The following ATP1A3 variants were observed in gnomAD, a reference collection of about 807,000 sequenced individuals.
ATP1A3 encodes ATPase Na+/K+ transporting subunit alpha 3.
A neutral mutation model predicts 108.8 loss-of-function variants in ATP1A3; 12 were observed. The ratio of observed to expected loss-of-function variants is 0.11; its 90% CI spans 0.07 to 0.18. The LOEUF (loss-of-function observed/expected upper bound fraction) is 0.18. Ranked by LOEUF, ATP1A3 falls within the 10% of genes least tolerant of loss-of-function variation. The pLI is 1.00. For missense variants in ATP1A3, 498 were observed against 1,387.7 expected (o/e 0.36, Z 10.19); for synonymous variants, 539 against 564.5 (o/e 0.95, Z 0.64).
chr19:41,969,424 G>T lies in ATP1A3; in HGVS notation c.2688+11C>A, dbSNP rs782430886. The T allele has an allele frequency of 1.5e-5, 25 of 1,614,040 alleles. No individual in the cohort carries two copies. Among genetic ancestry groups the T allele is most frequent in the Non-Finnish European group, 1.9e-5 (23 of 1,180,022 alleles). On this transcript the variant is annotated intron_variant, in intron 19 of 22. Transcript: ENST00000648268. ...ACGGTGGGCAGAGACACAGCACCCT[G>T]CCCTACTCACCCACTGCTGCCCGTA... is the stretch of plus-strand genomic sequence containing the variant.
rs1568853525 is a variant in ATP1A3, at chr19:41,969,494, G to A, written c.2629C>T (p.Arg877Trp). 1.2e-6 allele frequency: 2 copies of A among 1,614,152 alleles called. No homozygotes were observed. Among genetic ancestry groups the A allele is most frequent in the East Asian group, 2.2e-5 (1 of 44,882 alleles). Residue 877 changes from arginine to tryptophan, a missense_variant, in exon 19 of 23, where the codon CGG (arginine) becomes TGG (tryptophan). Arg to Trp is a moderately radical substitution (Grantham distance 101). Coordinates refer to ENST00000648268, the MANE Select transcript of ATP1A3 (RefSeq NM_152296.5). ...GFLPGNLVGIRLNWDDRTVND... is the reference protein window; with the variant it reads ...GFLPGNLVGIWLNWDDRTVND... ...ACGGTGCGGTCATCCCAGTTCAGCC[G>A]GATGCCCACCAGGTTGCCGGGCAAG... is the stretch of plus-strand genomic sequence containing the variant.
At chr19:41,970,352 C>CT in intron 17 of ATP1A3, 36 bp downstream of exon 17, 1 of 1,614,166 alleles carries the variant, frequency 6.2e-7, no homozygotes, top group Non-Finnish European at 8.5e-7. Flanking sequence ...GAGGACTCCA[C>CT]CCTCCTGGGC....
chr19:41,982,925 G>T (rs1313481271), intron 8 of ATP1A3, among the ~76,000 whole-genome samples: 3 of 152,184 alleles, frequency 2.0e-5, no homozygotes, highest in Non-Finnish European at 2.9e-5. Flanking sequence ...TCTTGAGGGG[G>T]CTTCAGGGAG....
chr19:41,970,369 G>A lies in ATP1A3; in HGVS notation c.2418+19C>T. ...GGACTCCACCCTCCTGGGCCCCAAG[G>A]GTGGCTGCCAGGGCTCACCATGTCA... is the stretch of plus-strand genomic sequence containing the variant. On this transcript the variant is annotated intron_variant, in intron 17 of 22. Transcript: ENST00000648268. 1 of 1,614,232 alleles carries A rather than the reference G, an allele frequency of 6.2e-7. No homozygotes were observed. Among genetic ancestry groups the A allele is most frequent in the Non-Finnish European group, 8.5e-7 (1 of 1,180,046 alleles).
intron 8 of ATP1A3, 122 bp downstream of exon 8, chr19:41,984,796 T>G (rs1599722265): frequency 2.6e-6 from 3 of 1,133,932 alleles, no homozygotes; most frequent in Non-Finnish European, 3.6e-6. Flanking sequence ...GACACACGGG[T>G]CCAGGCCTCT....
rs2145995574 is a variant in ATP1A3, at chr19:41,994,177, T to A, written c.-101A>T. ...TGGGAGCCTCTGCAGCGCCCGCGCC[T>A]CGGTAGGTGCGCGCGTCCGTCCGTC... On this transcript the variant is annotated 5_prime_UTR_variant, in exon 1 of 23. Transcript: ENST00000648268. 6 of 1,183,346 alleles carry A rather than the reference T, an allele frequency of 5.1e-6. No homozygotes were observed. The highest frequency in any genetic ancestry group is 6.8e-6 in the Non-Finnish European group (6 of 883,926). The allele number at this position is 1,183,346 out of a possible 1,614,324, so 73.3% of individuals were successfully genotyped here.
chr19:41,970,189 C>G lies in ATP1A3; in HGVS notation c.2538G>C (p.Gln846His). The G allele has an allele frequency of 6.2e-7, 1 of 1,614,246 alleles. No individual in the cohort carries two copies. The highest frequency in any genetic ancestry group is 8.5e-7 in the Non-Finnish European group (1 of 1,180,032). The change falls in exon 18 of 23, where the codon CAG becomes CAC. Residue 846 changes from glutamine to histidine, a missense_variant. Gln to His is a conservative substitution (Grantham distance 24). Around this residue, in one of 9 missense-constraint regions of ATP1A3, gnomAD observed 121 missense variants for 425.1 expected, o/e 0.28. Transcript: ENST00000648268. Reference protein sequence around the residue: ...NERLISMAYGQIGMIQALGGF... With the variant: ...NERLISMAYGHIGMIQALGGF... ...ATGGAGTCCCCGGTGCCTCACCAATCTGCCCGTAGGCCATGCTGATGAGTC... is the reference window on the plus strand; with the variant it reads ...ATGGAGTCCCCGGTGCCTCACCAATGTGCCCGTAGGCCATGCTGATGAGTC...
chr19:41,970,911 C>G (rs192502198), intron 16 of ATP1A3, among the ~76,000 whole-genome samples: 1 of 151,930 alleles, frequency 6.6e-6, no homozygotes, highest in Non-Finnish European at 1.5e-5. Context: ...GGATTACAGG[C>G]GTGAGCCACC....
At chr19:41,989,051 C>T (rs937800044) in intron 1 of ATP1A3, among the ~76,000 whole-genome samples, 2 of 151,960 alleles carry the variant, frequency 1.3e-5, no homozygotes, top group South Asian at 2.1e-4. Context: ...GTGATCCTCC[C>T]GCCTCCGCCT....
At chr19:41,979,847 G>A (rs538330952) in intron 11 of ATP1A3, among the ~76,000 whole-genome samples, 2 of 152,346 alleles carry the variant, frequency 1.3e-5, no homozygotes, top group South Asian at 2.1e-4. Flanking sequence ...GCTATGGTAT[G>A]TTAATTATAT....
Position 41,986,163 on chromosome 19 carries a change from C to A in ATP1A3, c.424G>T (p.Ala142Ser), listed in dbSNP as rs878853219. The A allele has an allele frequency of 6.2e-7, 1 of 1,614,146 alleles. No individual in the cohort carries two copies. Among genetic ancestry groups the A allele is most frequent in the Non-Finnish European group, 8.5e-7 (1 of 1,180,014 alleles). ...GACTCCATGATCTTGGAGCTCTTGG[C>A]CTCCTGGTAGTAGGAGAAGCAGCCA... ...ITGCFSYYQE[A>S]KSSKIMESFK... The change falls in exon 5 of 23, where the codon GCC becomes TCC. Residue 142 changes from alanine to serine, a missense_variant. Transcript: ENST00000648268.
chr19:41,975,534 C>T (rs1388519070), intron 16 of ATP1A3, 95 bp downstream of exon 16: 5 of 1,546,220 alleles, frequency 3.2e-6, no homozygotes, highest in Non-Finnish European at 4.4e-6. Flanking sequence ...GTGGTCTCTG[C>T]CACACATCCC....
chr19:41,992,459 C>T (rs557655804), intron 1 of ATP1A3, among the ~76,000 whole-genome samples: 2 of 152,212 alleles, frequency 1.3e-5, no homozygotes, highest in South Asian at 2.1e-4. Flanking sequence ...TGCCAGCTCC[C>T]GCAGCCTCTG....
intron 16 of ATP1A3, among the ~76,000 whole-genome samples, chr19:41,974,358 G>A (rs969171373): frequency 6.6e-5 from 10 of 152,142 alleles, no homozygotes; most frequent in African/African-American, 1.9e-4. Context: ...CAGGAGGATC[G>A]ATTAAGTCCC....
chr19:41,987,161 G>C (rs778138093), intron 4 of ATP1A3, among the ~76,000 whole-genome samples: 2 of 152,164 alleles, frequency 1.3e-5, no homozygotes, highest in Admixed American at 6.5e-5. Flanking sequence ...CTACAAGGCA[G>C]CTTCTTTGGT....
Position 41,993,315 on chromosome 19 carries a change from A to T in ATP1A3, c.6+756T>A, listed in dbSNP as rs2075357585. On this transcript the variant is annotated intron_variant, in intron 1 of 22. Coordinates refer to ENST00000648268, the MANE Select transcript of ATP1A3 (RefSeq NM_152296.5). ...ACAAGGACACACGGACACAGAGGCA[A>T]GGACACAGCCAGGCATGCACGCTCC... The T allele has an allele frequency of 3.5e-6, 5 of 1,410,998 alleles. No individual in the cohort carries two copies. In the East Asian group the frequency reaches 1.2e-4, roughly 35 times the overall value. 87.4% of individuals were successfully genotyped at this position (1,410,998 alleles called of 1,614,324 possible).
In ATP1A3 at chr19:41,970,928, G is replaced by A. The variant is rs187456343; in HGVS notation, c.2264-386C>T. ...ATTACAGGCGTGAGCCACCGCGCCC[G>A]GCCTGTCCAGCGTCCTTTTCTACCC... is the stretch of plus-strand genomic sequence containing the variant. On this transcript the variant is annotated intron_variant, in intron 16 of 22. Coordinates refer to ENST00000648268, the MANE Select transcript of ATP1A3 (RefSeq NM_152296.5). 1.0e-2 allele frequency among the ~76,000 whole-genome samples: 1,509 copies of A among 151,438 alleles called. 10 individuals carry two copies. Among genetic ancestry groups the A allele is most frequent in the Non-Finnish European group, 0.014 (953 of 67,844 alleles).
intron 15 of ATP1A3, 56 bp from the exon 16 acceptor site, chr19:41,975,853 C>G: frequency 6.2e-7 from 1 of 1,611,012 alleles, no homozygotes. Flanking sequence ...GAGTCCCCTC[C>G]CTCAGATCCA....
In ATP1A3 at chr19:41,967,835, G is replaced by A. The variant is rs2075060615; in HGVS notation, c.2820-72C>T. 5.8e-6 allele frequency: 8 copies of A among 1,368,472 alleles called. No homozygotes were observed. The highest frequency in any genetic ancestry group is 8.3e-6 in the Non-Finnish European group (8 of 969,472). The allele number at this position is 1,368,472 out of a possible 1,614,324, so 84.8% of individuals were successfully genotyped here. ...GCACCTGCCACCCCGCAGAGACAGG[G>A]GGAGGCACAGTGCAGACACCCAGAG... On this transcript the variant is annotated intron_variant, in intron 20 of 22. Coordinates refer to ENST00000648268, the MANE Select transcript of ATP1A3 (RefSeq NM_152296.5). The surrounding 1 kb of genome is among the most constrained non-coding windows in gnomAD (Gnocchi z 4.2).
Sources: allele counts gnomAD v4.1 joint callset (sites outside exome capture counted in the v4.1 genomes callset), GRCh38; gene constraint gnomAD v4.1.1; regional missense constraint gnomAD v4.1.1; non-coding constraint Gnocchi (gnomAD v3.1); transcripts MANE v1.5; gene names NCBI Gene and HGNC (gene_info 2026-07-23, HGNC 2026-07-21).